The following PIBF1 variants were observed in gnomAD, a reference collection of about 807,000 sequenced individuals.
PIBF1 encodes progesterone-induced-blocking factor 1.
In PIBF1, 90 loss-of-function variants were observed where a neutral mutation model predicts 112.5. The ratio of observed to expected loss-of-function variants is 0.80; its 90% CI spans 0.67 to 0.95. The LOEUF is 0.95. PIBF1 is among the 40% of genes least tolerant of loss of function. The probability of loss-of-function intolerance (pLI) is 0.00; values close to 1 mark genes in which losing one functional copy is unlikely to be tolerated. For missense variants in PIBF1, 915 were observed against 852.3 expected (o/e 1.07, Z -0.92); for synonymous variants, 301 against 288.6 (o/e 1.04, Z -0.44).
chr13:72,917,825 T>G (rs1388677946), intron 13 of PIBF1, among the ~76,000 whole-genome samples: 2 of 152,220 alleles, frequency 1.3e-5, no homozygotes, highest in Non-Finnish European at 2.9e-5. Context: ...GCATTTACAT[T>G]TTGTTAGGTA....
intron 12 of PIBF1, among the ~76,000 whole-genome samples, chr13:72,916,461 T>G (rs2041099573): frequency 6.6e-6 from 1 of 151,356 alleles, no homozygotes; most frequent in Non-Finnish European, 1.5e-5. Flanking sequence ...ATTTCAAGTT[T>G]TTTACCCAGA....
At chr13:72,949,631 A>T (rs535648780) in intron 14 of PIBF1, among the ~76,000 whole-genome samples, 12 of 152,266 alleles carry the variant, frequency 7.9e-5, no homozygotes, top group Admixed American at 7.9e-4. Context: ...AATAGCTTTC[A>T]TACTTTTTTG....
intron 16 of PIBF1, among the ~76,000 whole-genome samples, chr13:72,979,820 G>C (rs1295012808): frequency 6.6e-6 from 1 of 152,162 alleles, no homozygotes; most frequent in African/African-American, 2.4e-5. Context: ...TACTCGGGAG[G>C]CTGAGGCAGG....
intron 10 of PIBF1, among the ~76,000 whole-genome samples, chr13:72,888,499 A>G (rs2138539561): frequency 1.3e-5 from 2 of 152,282 alleles, no homozygotes; most frequent in South Asian, 4.1e-4. Context: ...ACTTCATGGT[A>G]TCTTTCTTAA....
intron 9 of PIBF1, 100 bp downstream of exon 9, chr13:72,835,468 A>C: frequency 1.2e-6 from 1 of 864,338 alleles, no homozygotes; most frequent in South Asian, 2.6e-5. Context: ...TGTCTTTTTT[A>C]ATACATTAGA....
At chr13:72,926,706 T>A (rs780586940) in intron 13 of PIBF1, among the ~76,000 whole-genome samples, 19 of 152,230 alleles carry the variant, frequency 1.2e-4, no homozygotes, top group Non-Finnish European at 2.8e-4. Context: ...CTACTTAGAA[T>A]TTTCCCTAGC....
At chr13:72,973,233 G>T (rs1489925176) in intron 15 of PIBF1, among the ~76,000 whole-genome samples, 1 of 151,016 alleles carries the variant, frequency 6.6e-6, no homozygotes, top group Non-Finnish European at 1.5e-5. Flanking sequence ...TACCATGTCT[G>T]TGAGTAGCCA....
intron 10 of PIBF1, among the ~76,000 whole-genome samples, chr13:72,877,134 G>A (rs1278495405): frequency 6.6e-6 from 1 of 152,088 alleles, no homozygotes; most frequent in Non-Finnish European, 1.5e-5. Flanking sequence ...CTATTGACAG[G>A]ATCATGTGGT....
At chr13:72,832,071 CCTTTTTTTT>C (rs1263281527) in intron 8 of PIBF1, among the ~76,000 whole-genome samples, 644 of 59,378 alleles carry the variant, frequency 0.011, 49 homozygotes, top group African/African-American at 0.02. Context: ...GCAATTCCGG[CCTTTTTTTT>C]TTTTTTTTTT....
At chr13:73,003,397 C>T (rs1291905094) in intron 17 of PIBF1, among the ~76,000 whole-genome samples, 1 of 151,928 alleles carries the variant, frequency 6.6e-6, no homozygotes, top group Non-Finnish European at 1.5e-5. Context: ...GGATTACAGG[C>T]ACATGCCACC....
chr13:72,965,041 G>A (rs947324488), intron 14 of PIBF1, among the ~76,000 whole-genome samples: 7 of 152,036 alleles, frequency 4.6e-5, no homozygotes, highest in African/African-American at 1.7e-4. Context: ...TAGCCTGGGC[G>A]ACAGAGCGAG....
intron 10 of PIBF1, among the ~76,000 whole-genome samples, chr13:72,883,608 C>T (rs2039729335): frequency 6.6e-6 from 1 of 152,158 alleles, no homozygotes; most frequent in Non-Finnish European, 1.5e-5. Flanking sequence ...CTGCCTCAGC[C>T]TCCTGAGTAG....
At chr13:72,869,151 A>AT (rs1314812556) in intron 10 of PIBF1, among the ~76,000 whole-genome samples, 2 of 152,156 alleles carry the variant, frequency 1.3e-5, no homozygotes, top group Non-Finnish European at 2.9e-5. Flanking sequence ...ATGCTGCTAT[A>AT]AAGACACATG....
chr13:72,899,697 G>C (rs528857687), intron 11 of PIBF1, among the ~76,000 whole-genome samples: 2 of 152,104 alleles, frequency 1.3e-5, no homozygotes, highest in Admixed American at 6.5e-5. Flanking sequence ...ACTGAAACAA[G>C]GCAAGGATGC....
intron 11 of PIBF1, among the ~76,000 whole-genome samples, chr13:72,902,288 T>C (rs1267608973): frequency 6.7e-6 from 1 of 148,306 alleles, no homozygotes; most frequent in Non-Finnish European, 1.5e-5. Context: ...CAGTGTATAC[T>C]GCCCCGGTTG....
At chr13:72,987,307 C>CTTT (rs11397801) in intron 16 of PIBF1, among the ~76,000 whole-genome samples, 61 of 144,666 alleles carry the variant, frequency 4.2e-4, no homozygotes, top group Non-Finnish European at 5.5e-4. Flanking sequence ...TGTTGTTCTA[C>CTTT]TTTTTTTTTT....
intron 6 of PIBF1, among the ~76,000 whole-genome samples, chr13:72,825,652 C>A (rs542431938): frequency 4.5e-4 from 69 of 152,244 alleles, no homozygotes; most frequent in African/African-American, 1.6e-3. Context: ...ACCGTTAAGA[C>A]ACCTGCATAT....
At position 72,935,459 on chromosome 13, in the gene PIBF1, A is replaced by G. The variant is rs543945223; in HGVS notation, c.1833+4192A>G. The stretch of plus-strand genomic sequence containing the variant: ...TGTTTATCCATTCACTTGTTGATGG[A>G]CATTGGAGTCATTTCCAGTTTTCTG... On this transcript the variant is annotated intron_variant, in intron 14 of 17. Coordinates refer to ENST00000326291, the MANE Select transcript of PIBF1 (RefSeq NM_006346.4). Among the ~76,000 whole-genome samples, 4 of 152,280 alleles carry G rather than the reference A, an allele frequency of 2.6e-5. No homozygotes were observed. In the East Asian group the frequency reaches 7.7e-4, roughly 29 times the overall value.
At chr13:72,928,829 CA>C (rs911463557) in intron 13 of PIBF1, among the ~76,000 whole-genome samples, 16 of 152,120 alleles carry the variant, frequency 1.1e-4, no homozygotes, top group South Asian at 4.1e-4. Context: ...ATAGAATTCC[CA>C]AACAAAATAA....
Sources: allele counts gnomAD v4.1 joint callset (sites outside exome capture counted in the v4.1 genomes callset), GRCh38; gene constraint gnomAD v4.1.1; transcripts MANE v1.5; gene names NCBI Gene and HGNC (gene_info 2026-07-23, HGNC 2026-07-21).